REDIC1: variants seen among roughly 807,000 people sequenced by gnomAD.
REDIC1 encodes HEI10 Interacting Protein 1.
chr12:39,691,487 T>A, the REDIC1 span, among the ~76,000 whole-genome samples: 9 of 152,100 alleles, frequency 5.9e-5, no homozygotes, highest in African/African-American at 1.9e-4. Flanking sequence ...TTGATAAAAT[T>A]GAAATCAACT....
chr12:39,713,942 C>A, the REDIC1 span, among the ~76,000 whole-genome samples: 2 of 147,052 alleles, frequency 1.4e-5, no homozygotes, highest in African/African-American at 5.0e-5. Flanking sequence ...TGTGCATATA[C>A]CTATATATAC....
chr12:39,866,566 C>T, the REDIC1 span, among the ~76,000 whole-genome samples: 3 of 152,136 alleles, frequency 2.0e-5, no homozygotes, highest in South Asian at 2.1e-4. Flanking sequence ...GCAGGCTCCG[C>T]CCCCCGGGGT....
the REDIC1 span, among the ~76,000 whole-genome samples, chr12:39,710,000 T>C: frequency 6.6e-6 from 1 of 151,850 alleles, no homozygotes; most frequent in Admixed American, 6.6e-5. Context: ...TTTTGTTTTT[T>C]TCTGACAGTG....
the REDIC1 span, chr12:39,756,718 T>G: frequency 6.6e-6 from 1 of 151,726 alleles, no homozygotes; most frequent in South Asian, 2.1e-4. Flanking sequence ...GCTTATATTT[T>G]TCCTGATCAT....
At chr12:39,818,417 G>A in the REDIC1 span, among the ~76,000 whole-genome samples, 2 of 152,136 alleles carry the variant, frequency 1.3e-5, no homozygotes, top group South Asian at 4.1e-4. Context: ...TATCAGATAG[G>A]ATCTCTTATC....
At chr12:39,875,208 G>C in the REDIC1 span, among the ~76,000 whole-genome samples, 4 of 152,178 alleles carry the variant, frequency 2.6e-5, no homozygotes, top group African/African-American at 9.7e-5. Context: ...TGTCAGTAGA[G>C]CTCTGTCCCT....
the REDIC1 span, chr12:39,830,363 A>C: frequency 4.7e-5 from 67 of 1,440,146 alleles, no homozygotes; most frequent in East Asian, 1.3e-3. Context: ...GTTTTGGCCA[A>C]GGAAAGTGAC....
the REDIC1 span, among the ~76,000 whole-genome samples, chr12:39,846,994 G>A: frequency 6.6e-6 from 1 of 152,092 alleles, no homozygotes; most frequent in South Asian, 2.1e-4. Context: ...CTGTTTCACT[G>A]GTTTCAAAGG....
chr12:39,665,828 G>T, the REDIC1 span, among the ~76,000 whole-genome samples: 39 of 151,804 alleles, frequency 2.6e-4, no homozygotes, highest in South Asian at 5.2e-3. Flanking sequence ...TTATTCTCTT[G>T]GAAGCAATTG....
the REDIC1 span, among the ~76,000 whole-genome samples, chr12:39,644,345 A>G: frequency 2.0e-5 from 3 of 151,812 alleles, no homozygotes; most frequent in Admixed American, 6.6e-5. Flanking sequence ...TCATCACTTG[A>G]ATTATTTATT....
the REDIC1 span, among the ~76,000 whole-genome samples, chr12:39,712,842 C>T: frequency 1.7e-5 from 2 of 119,738 alleles, no homozygotes; most frequent in East Asian, 2.4e-4. Flanking sequence ...TACATATACA[C>T]GTATATACAC....
the REDIC1 span, among the ~76,000 whole-genome samples, chr12:39,813,923 C>T: frequency 6.6e-5 from 10 of 152,362 alleles, no homozygotes; most frequent in South Asian, 1.9e-3. Context: ...GAAGCCTACA[C>T]AGTCACATCT....
At chr12:39,702,241 A>T in the REDIC1 span, among the ~76,000 whole-genome samples, 2 of 152,180 alleles carry the variant, frequency 1.3e-5, no homozygotes, top group Non-Finnish European at 2.9e-5. Flanking sequence ...ATAAAAAATG[A>T]TAAAGGGGAT....
chr12:39,880,192 T>C, the REDIC1 span, among the ~76,000 whole-genome samples: 9 of 152,218 alleles, frequency 5.9e-5, no homozygotes, highest in African/African-American at 2.2e-4. Context: ...TGTAGAACCA[T>C]AAGCCAAGTA....
chr12:39,712,946 T>C, the REDIC1 span, among the ~76,000 whole-genome samples: 59 of 145,750 alleles, frequency 4.0e-4, no homozygotes, highest in East Asian at 2.0e-4. Context: ...TATACGTGTA[T>C]ATACATATAT....
At chr12:39,896,372 A>G in the REDIC1 span, among the ~76,000 whole-genome samples, 3 of 138,328 alleles carry the variant, frequency 2.2e-5, no homozygotes, top group African/African-American at 5.4e-5. Context: ...ATATATGTAT[A>G]CATATATGTA....
chr12:39,850,946 C>A, the REDIC1 span, among the ~76,000 whole-genome samples: 1 of 150,852 alleles, frequency 6.6e-6, no homozygotes, highest in African/African-American at 2.4e-5. Context: ...GTTGCCTAGG[C>A]TGCAGTGCAG....
At chr12:39,899,828 G>T in the REDIC1 span, among the ~76,000 whole-genome samples, 1 of 152,092 alleles carries the variant, frequency 6.6e-6, no homozygotes, top group Admixed American at 6.6e-5. Flanking sequence ...TAGTTTGATT[G>T]CACTGTGGTC....
the REDIC1 span, among the ~76,000 whole-genome samples, chr12:39,750,230 C>G: frequency 2.0e-5 from 3 of 152,190 alleles, no homozygotes; most frequent in African/African-American, 7.2e-5. Context: ...TCTCAGGATA[C>G]AAAATCAGTG....
Sources: gnomAD v4.1 joint callset for allele counts (sites outside exome capture counted in the v4.1 genomes callset) on GRCh38, gnomAD v4.1.1 for gene constraint, MANE v1.5 for transcripts, NCBI Gene and HGNC (gene_info 2026-07-23, HGNC 2026-07-21) for gene names.